SLC26A4: variants seen among roughly 807,000 people sequenced by gnomAD.
The protein encoded by SLC26A4 is solute carrier family 26 member 4.
A neutral mutation model predicts 90.4 loss-of-function variants in SLC26A4; 93 were observed. The observed-to-expected ratio is 1.03, with a 90% CI of 0.87 to 1.22. The LOEUF (loss-of-function observed/expected upper bound fraction) is 1.22. SLC26A4 is among the 50% of genes most tolerant of loss of function. The pLI is 0.00. For synonymous variants in SLC26A4, 393 were observed against 354.6 expected (o/e 1.11, Z -1.22); for missense variants, 1,127 against 946.2 (o/e 1.19, Z -2.51).
chr7:107,693,236 G>C (rs2129316624), intron 10 of SLC26A4: 1 of 932,890 alleles, frequency 1.1e-6, no homozygotes, highest in Admixed American at 6.2e-5. Context: ...AAGGGAAAGA[G>C]CACCAGGGTA....
intron 18 of SLC26A4, among the ~76,000 whole-genome samples, chr7:107,708,504 A>G (rs1331338838): frequency 6.6e-6 from 1 of 152,096 alleles, no homozygotes; most frequent in Non-Finnish European, 1.5e-5. Context: ...TCATAAGTCC[A>G]TATTTAGAAA....
chr7:107,694,776 C>A, intron 12 of SLC26A4, 60 bp downstream of exon 12: 2 of 1,113,542 alleles, frequency 1.8e-6, no homozygotes, highest in Non-Finnish European at 2.8e-6. Context: ...ATGCTTCCTG[C>A]CATATCACTA....
rs1248072794 is a variant in SLC26A4 at position 107,661,606 on chromosome 7, T to G, written c.-3-33T>G. 6.5e-7 allele frequency: 1 copy of G among 1,542,730 alleles called. No homozygotes were observed. The highest frequency in any genetic ancestry group is 8.7e-7 in the Non-Finnish European group (1 of 1,149,296). On this transcript the variant is annotated intron_variant, in intron 1 of 20. Coordinates refer to ENST00000644269, the MANE Select transcript of SLC26A4 (RefSeq NM_000441.2). The surrounding 1 kb of genome is among the most constrained non-coding windows in gnomAD (Gnocchi z 5.1). ...CCTCCGATCGTCCTCGCTTACCGCG[T>G]GTCCTCCCTCCTCGCTGTCCTCTGG...
chr7:107,661,392 A>G lies in SLC26A4; in HGVS notation c.-3-247A>G. 1.7e-6 allele frequency: 1 copy of G among 587,990 alleles called. No homozygotes were observed. The highest frequency in any genetic ancestry group is 3.0e-6 in the Non-Finnish European group (1 of 328,892). The allele number at this position is 587,990 out of a possible 1,614,324, so 36.4% of individuals were successfully genotyped here. A position where few individuals can be genotyped will look rare whatever the true frequency, so the allele number is the denominator to read the frequency against. On this transcript the variant is annotated intron_variant, in intron 1 of 20. Coordinates refer to ENST00000644269, the MANE Select transcript of SLC26A4 (RefSeq NM_000441.2). This position sits in a 1 kb window ranked among gnomAD's most constrained non-coding sequence, Gnocchi z 5.1. The stretch of plus-strand genomic sequence containing the variant: ...GGGCTTACTCGCTTCAAGTTTGGGG[A>G]ACCCCGGGCAGCGGGTGCAGGCCAC...
At chr7:107,708,135 C>T (rs1202965399) in intron 18 of SLC26A4, among the ~76,000 whole-genome samples, 1 of 152,160 alleles carries the variant, frequency 6.6e-6, no homozygotes, top group Non-Finnish European at 1.5e-5. Flanking sequence ...ACACTTTAGC[C>T]TTCCATCAGT....
chr7:107,707,687 C>G (rs966847914), intron 18 of SLC26A4, among the ~76,000 whole-genome samples: 2 of 152,168 alleles, frequency 1.3e-5, no homozygotes, highest in Admixed American at 1.3e-4. Flanking sequence ...ATATTAATAA[C>G]ATATCTATAA....
intron 8 of SLC26A4, among the ~76,000 whole-genome samples, chr7:107,685,480 G>A (rs749776797): frequency 1.3e-5 from 2 of 152,146 alleles, no homozygotes; most frequent in Non-Finnish European, 2.9e-5. Flanking sequence ...TAAGGCTGCT[G>A]CTCGTAGTTC....
intron 6 of SLC26A4, among the ~76,000 whole-genome samples, chr7:107,682,884 C>T (rs1489354587): frequency 1.3e-5 from 2 of 152,068 alleles, no homozygotes; most frequent in African/African-American, 4.8e-5. Flanking sequence ...TCTTTTAAGA[C>T]ATCTTTATTA....
Position 107,701,902 on chromosome 7 carries a change from C to A in SLC26A4, c.1879C>A (p.Leu627Ile), listed in dbSNP as rs1203846662. 3.7e-6 allele frequency: 6 copies of A among 1,613,094 alleles called. No homozygotes were observed. The African/African-American group carries it at 6.7e-5, about 18-fold the overall frequency. The change falls in exon 17 of 21, where the codon CTT becomes ATT. Residue 627 changes from leucine to isoleucine, a missense_variant. Transcript: ENST00000644269. ...PDEDIEDLEE[L>I]DIPTKEIEIQ... ...TGAGGATATTGAAGATCTGGAGGAA[C>A]TTGATATCCCAACCAAGGAAATAGA... is the stretch of plus-strand genomic sequence containing the variant.
chr7:107,709,229 G>A (rs1792115104), intron 18 of SLC26A4, among the ~76,000 whole-genome samples: 1 of 152,146 alleles, frequency 6.6e-6, no homozygotes, highest in Non-Finnish European at 1.5e-5. Flanking sequence ...TCAGTCAGTG[G>A]CTGCAGGCCA....
At chr7:107,672,841 C>T (rs1247762708) in intron 4 of SLC26A4, among the ~76,000 whole-genome samples, 1 of 152,132 alleles carries the variant, frequency 6.6e-6, no homozygotes, top group African/African-American at 2.4e-5. Flanking sequence ...TTTGAATTCT[C>T]GTTTGTTAGA....
At chr7:107,714,173 G>T (rs1460525729) in intron 20 of SLC26A4, among the ~76,000 whole-genome samples, 1 of 151,826 alleles carries the variant, frequency 6.6e-6, no homozygotes, top group Non-Finnish European at 1.5e-5. Flanking sequence ...TAATCCACCT[G>T]CCTTGCCCTC....
rs541909258 is a variant in SLC26A4 at position 107,661,429 on chromosome 7, G to C, written c.-3-210G>C. On this transcript the variant is annotated intron_variant, in intron 1 of 20. Coordinates refer to ENST00000644269, the MANE Select transcript of SLC26A4 (RefSeq NM_000441.2). This position sits in a 1 kb window ranked among gnomAD's most constrained non-coding sequence, Gnocchi z 5.1. ...CGGGTGCAGGCCACGAGACCCGAAGGTTCTCAGGTGCCCCCCTGCAGGCTG... is the reference window on the plus strand; with the variant it reads ...CGGGTGCAGGCCACGAGACCCGAAGCTTCTCAGGTGCCCCCCTGCAGGCTG... 2 of 616,860 alleles carry C rather than the reference G, an allele frequency of 3.2e-6. No homozygotes were observed. The highest frequency in any genetic ancestry group is 2.7e-5 in the Admixed American group (1 of 36,892). The allele number at this position is 616,860 out of a possible 1,614,324, so 38.2% of individuals were successfully genotyped here.
At chr7:107,662,303 G>A (rs1226047771) in intron 2 of SLC26A4, among the ~76,000 whole-genome samples, 1 of 152,052 alleles carries the variant, frequency 6.6e-6, no homozygotes, top group African/African-American at 2.4e-5. Context: ...GCAGGCTGTG[G>A]GACCCCTGGG....
Position 107,675,188 on chromosome 7 carries a change from A to T in SLC26A4, c.765+79A>T, listed in dbSNP as rs571811849. Reference sequence around the variant, plus strand: ...TGTATTCATTCTCTGAGTCTGGGCCAGGCGTGGTGGCTCACACCTGTAATC... The same window carrying T: ...TGTATTCATTCTCTGAGTCTGGGCCTGGCGTGGTGGCTCACACCTGTAATC... On this transcript the variant is annotated intron_variant, in intron 6 of 20. Coordinates refer to ENST00000644269, the MANE Select transcript of SLC26A4 (RefSeq NM_000441.2). The T allele has an allele frequency of 3.5e-6, 5 of 1,414,458 alleles. No individual in the cohort carries two copies. The Admixed American group carries it at 5.1e-5, about 14-fold the overall frequency. The allele number at this position is 1,414,458 out of a possible 1,614,324, so 87.6% of individuals were successfully genotyped here. A position where few individuals can be genotyped will look rare whatever the true frequency, so the allele number is the denominator to read the frequency against.
chr7:107,704,795 T>G (rs1791996631), intron 18 of SLC26A4, among the ~76,000 whole-genome samples: 1 of 152,220 alleles, frequency 6.6e-6, no homozygotes, highest in Non-Finnish European at 1.5e-5. Flanking sequence ...AACTGGAAAT[T>G]TAAACTGTCC....
intron 2 of SLC26A4, among the ~76,000 whole-genome samples, chr7:107,662,701 A>G (rs990541521): frequency 2.0e-5 from 3 of 152,248 alleles, no homozygotes; most frequent in Non-Finnish European, 4.4e-5. Context: ...CATTATTAAA[A>G]TGTCCAATCG....
chr7:107,663,064 C>T (rs1482590078), intron 2 of SLC26A4, among the ~76,000 whole-genome samples: 3 of 151,972 alleles, frequency 2.0e-5, no homozygotes, highest in South Asian at 2.1e-4. Flanking sequence ...AAAATGTGAG[C>T]GAGGGGTGGG....
In SLC26A4 at chr7:107,674,260, T is replaced by C. The variant is rs373848150; in HGVS notation, c.512T>C (p.Leu171Ser). The C allele has an allele frequency of 6.2e-7, 1 of 1,613,880 alleles. No homozygotes were observed. Among genetic ancestry groups the C allele is most frequent in the African/African-American group, 1.3e-5 (1 of 74,906 alleles). Residue 171 changes from leucine (L) to serine (S), a missense_variant, in exon 5 of 21, where the codon TTA (leucine) becomes TCA (serine). By Grantham distance (145) the Leu-to-Ser change is moderately radical. Coordinates refer to ENST00000644269, the MANE Select transcript of SLC26A4 (RefSeq NM_000441.2). ...FLVSSSNGTV[L>S]NTTMIDTAAR... ...GTATCCAGCAGCAATGGAACTGTAT[T>C]AAATACTACTATGATAGACACTGCA...
Sources: gnomAD v4.1 joint callset for allele counts (sites outside exome capture counted in the v4.1 genomes callset) on GRCh38, gnomAD v4.1.1 for gene constraint, Gnocchi (gnomAD v3.1) non-coding constraint, MANE v1.5 for transcripts, NCBI Gene and HGNC (gene_info 2026-07-23, HGNC 2026-07-21) for gene names.